Variants in SVIL observed in about 807,000 individuals in gnomAD.
SVIL encodes the protein archvillin.
In SVIL, 101 loss-of-function variants were observed where a neutral mutation model predicts 240.4. The observed-to-expected ratio is 0.42, with a 90% CI of 0.36 to 0.50. The LOEUF (loss-of-function observed/expected upper bound fraction) is 0.50. Among genes scored for constraint, SVIL ranks in the 20% least tolerant of loss-of-function variants. SVIL has a pLI of 0.01. For missense variants in SVIL, 2,512 were observed against 2,818.7 expected (o/e 0.89, Z 2.46); for synonymous variants, 999 against 1,100.0 (o/e 0.91, Z 1.82).
At chr10:29,595,286 A>G (rs1956540363) in intron 1 of SVIL, among the ~76,000 whole-genome samples, 2 of 152,182 alleles carry the variant, frequency 1.3e-5, no homozygotes, top group African/African-American at 4.8e-5. Flanking sequence ...GAAATGAGAC[A>G]AGGACAGGGT....
chr10:29,707,380 T>A (rs1032026483), intron 1 of SVIL, among the ~76,000 whole-genome samples: 1 of 152,226 alleles, frequency 6.6e-6, no homozygotes, highest in African/African-American at 2.4e-5. Flanking sequence ...TATTCCTAGG[T>A]ATTTTATTGT....
At chr10:29,706,638 C>A (rs1340396371) in intron 1 of SVIL, among the ~76,000 whole-genome samples, 3 of 152,120 alleles carry the variant, frequency 2.0e-5, no homozygotes, top group African/African-American at 7.2e-5. Context: ...TTTTGCTGTG[C>A]AGAAGCTCTT....
At chr10:29,634,296 A>G (rs1958224737) in intron 1 of SVIL, 124 bp downstream of exon 1, 1 of 152,140 alleles carries the variant, frequency 6.6e-6, no homozygotes, top group Non-Finnish European at 1.5e-5. Flanking sequence ...GAATTTTCCA[A>G]TGACTGAAGT....
At chr10:29,459,569 A>G (rs1269624253) in intron 36 of SVIL, among the ~76,000 whole-genome samples, 2 of 152,230 alleles carry the variant, frequency 1.3e-5, no homozygotes, top group Non-Finnish European at 1.5e-5. Flanking sequence ...TCTGCAATAG[A>G]AAAAGAAGGT....
intron 2 of SVIL, among the ~76,000 whole-genome samples, chr10:29,566,579 AC>A (rs1214423935): frequency 2.0e-5 from 3 of 152,072 alleles, no homozygotes; most frequent in African/African-American, 7.2e-5. Context: ...AACTTTCTCT[AC>A]CCGAGGGCAC....
At position 29,458,383 on chromosome 10, in the gene SVIL, GT is replaced by G. The variant is rs5784138; in HGVS notation, c.6558+50del. The stretch of plus-strand genomic sequence containing the variant: ...CGCGGCTCAGTGAAAGGAGCCGGGC[GT>G]GCGTGTGTTGTTTTACTCCCATCCC... On this transcript the variant is annotated intron_variant, in intron 37 of 37. Coordinates refer to ENST00000355867, the MANE Select transcript of SVIL (RefSeq NM_021738.3). The G allele has an allele frequency of 0.15, 243,058 of 1,611,076 alleles. 19,716 individuals are homozygous for G. Among genetic ancestry groups the G allele is most frequent in the East Asian group, 0.31 (13,896 of 44,780 alleles).
intron 17 of SVIL, among the ~76,000 whole-genome samples, chr10:29,503,210 G>C (rs1474973548): frequency 6.6e-6 from 1 of 152,152 alleles, no homozygotes; most frequent in Non-Finnish European, 1.5e-5. Context: ...CCTTCCTTAA[G>C]AGAAATTTCA....
At chr10:29,496,305 C>A in intron 18 of SVIL, 1 of 416,832 alleles carries the variant, frequency 2.4e-6, no homozygotes, top group Admixed American at 2.9e-5. Context: ...GCCAGAACTG[C>A]AAAGGGTTTC....
chr10:29,572,763 C>CGAAAAAAAA (rs1955490565), intron 1 of SVIL, among the ~76,000 whole-genome samples: 1 of 81,332 alleles, frequency 1.2e-5, no homozygotes, highest in Non-Finnish European at 2.3e-5. Flanking sequence ...GATCCTATCT[C>CGAAAAAAAA]AAAAAAAAAA....
rs780406686 is a variant in SVIL at position 29,532,116 on chromosome 10, C to G, written c.1895G>C (p.Arg632Pro). ...EGPGLPTGVE[R>P]ERGSRKPRRY... ...TCTTGGTTTCCGGGACCCTCTCTCC[C>G]GTTCCACACCGGTGGGCAAGCCAGG... Residue 632 changes from arginine to proline, a missense_variant, in exon 9 of 38, where the codon CGG becomes CCG. By Grantham distance (103) the Arg-to-Pro change is moderately radical. This residue lies in a region of SVIL where 1,443 missense variants were observed against 1,486.6 expected (regional missense o/e 0.97). Coordinates refer to ENST00000355867, the MANE Select transcript of SVIL (RefSeq NM_021738.3). 17 of 1,614,028 alleles carry G rather than the reference C, an allele frequency of 1.1e-5. No homozygotes were observed. The highest frequency in any genetic ancestry group is 1.4e-5 in the Non-Finnish European group (16 of 1,179,886).
intron 3 of SVIL, among the ~76,000 whole-genome samples, chr10:29,642,663 T>C (rs898201502): frequency 2.0e-5 from 3 of 152,102 alleles, no homozygotes; most frequent in East Asian, 1.9e-4. Context: ...AATATCAAAA[T>C]AGTCTGCAGT....
chr10:29,671,647 G>C (rs991556965), intron 2 of SVIL, among the ~76,000 whole-genome samples: 9 of 152,202 alleles, frequency 5.9e-5, no homozygotes, highest in Non-Finnish European at 1.2e-4. Context: ...CAGCAGGATT[G>C]AGGCTGTATA....
chr10:29,535,665 G>A (rs1951693286), intron 7 of SVIL, among the ~76,000 whole-genome samples: 1 of 152,214 alleles, frequency 6.6e-6, no homozygotes, highest in Non-Finnish European at 1.5e-5. Flanking sequence ...GGAGCCCAGG[G>A]CCTGGCTGGG....
chr10:29,537,225 G>A (rs1951806562), intron 6 of SVIL, among the ~76,000 whole-genome samples: 1 of 152,108 alleles, frequency 6.6e-6, no homozygotes, highest in South Asian at 2.1e-4. Context: ...AGAGTTACAA[G>A]TACTAATTCA....
At position 29,482,021 on chromosome 10, in the gene SVIL, CTTTT is replaced by C. The variant is rs35856299; in HGVS notation, c.4956-297_4956-294del. Among the ~76,000 whole-genome samples the C allele has an allele frequency of 2.6e-5, 3 of 113,398 alleles. No individual in the cohort carries two copies. In the Admixed American group the frequency reaches 2.8e-4, roughly 11 times the overall value. 74.4% of individuals were successfully genotyped at this position (113,398 alleles called of 152,430 possible). A position where few individuals can be genotyped will look rare whatever the true frequency, so the allele number is the denominator to read the frequency against. On this transcript the variant is annotated intron_variant, in intron 27 of 37. Transcript: ENST00000355867. ...ACATTCTAGCAAGTTCTTTTCTTTT[CTTTT>C]TTTTTTTTTTTTTTTTTTTTAGAGA... is the stretch of plus-strand genomic sequence containing the variant.
rs148178668 is a variant in SVIL, at chr10:29,476,362, T to C, written c.5378-2373A>G. On this transcript the variant is annotated intron_variant, in intron 29 of 37. Coordinates refer to ENST00000355867, the MANE Select transcript of SVIL (RefSeq NM_021738.3). ...AAATAACCAACATCACATCCTAACA[T>C]TGCAAACAGACTTGAGTGTATATAC... 4.5e-3 allele frequency among the ~76,000 whole-genome samples: 680 copies of C among 152,368 alleles called. 1 individual carries two copies. The highest frequency in any genetic ancestry group is 0.014 in the Middle Eastern group (4 of 294).
At chr10:29,490,756 GC>G in intron 22 of SVIL, 90 bp downstream of exon 22, 1 of 1,508,902 alleles carries the variant, frequency 6.6e-7, no homozygotes, top group Non-Finnish European at 9.0e-7. Flanking sequence ...ACCATTATTG[GC>G]CTTCACAAGG....
In SVIL at chr10:29,582,399, C is replaced by A. The variant is rs565223205; in HGVS notation, c.-200-13087G>T. Among the ~76,000 whole-genome samples the A allele has an allele frequency of 2.6e-5, 4 of 152,234 alleles. No homozygotes were observed. The South Asian group carries it at 8.3e-4, about 32-fold the overall frequency. On this transcript the variant is annotated intron_variant, in intron 1 of 37. Coordinates refer to ENST00000355867, the MANE Select transcript of SVIL (RefSeq NM_021738.3). ...GACGATTCTGACCTGTTCAAAGCCC[C>A]AACCCACAAAGGGCTCTTAAACAAT...
At chr10:29,581,525 T>C (rs960097335) in intron 1 of SVIL, among the ~76,000 whole-genome samples, 1 of 152,240 alleles carries the variant, frequency 6.6e-6, no homozygotes, top group African/African-American at 2.4e-5. Flanking sequence ...ATAAGAAATG[T>C]TGCAAGTCAC....
Sources: gnomAD v4.1 joint callset for allele counts (sites outside exome capture counted in the v4.1 genomes callset) on GRCh38, gnomAD v4.1.1 for gene constraint, gnomAD v4.1.1 regional missense constraint, MANE v1.5 for transcripts, NCBI Gene and HGNC (gene_info 2026-07-23, HGNC 2026-07-21) for gene names.